Variants in HMCN2 observed in about 807,000 individuals in gnomAD.
HMCN2 encodes the protein hemicentin 2, also known as hemicentin-2.
HMCN2 carries 325 observed loss-of-function variants against 377.5 expected under a neutral mutation model. The ratio of observed to expected loss-of-function variants is 0.86; its 90% confidence interval spans 0.79 to 0.94. HMCN2 has a LOEUF of 0.94. Among genes scored for constraint, HMCN2 ranks in the 40% least tolerant of loss-of-function variants. The pLI, the probability that HMCN2 is intolerant of heterozygous loss-of-function variation, is 0.00. For missense variants in HMCN2, 4,543 were observed against 4,725.3 expected (o/e 0.96, Z 1.13); for synonymous variants, 2,007 against 2,046.8 (o/e 0.98, Z 0.53).
chr9:130,348,425 G>A, intron 26 of HMCN2, 120 bp from the exon 27 acceptor site: 1 of 1,221,256 alleles, frequency 8.2e-7, no homozygotes, highest in Non-Finnish European at 1.1e-6. Flanking sequence ...GGGCGGACGG[G>A]GACAGGCAGA....
intron 73 of HMCN2, among the ~76,000 whole-genome samples, chr9:130,397,303 C>G (rs553574217): frequency 6.6e-6 from 1 of 152,178 alleles, no homozygotes; most frequent in Non-Finnish European, 1.5e-5. Context: ...GAGATCAGCA[C>G]GGGAAAGACC....
intron 15 of HMCN2, among the ~76,000 whole-genome samples, chr9:130,313,606 C>CT (rs1239713273): frequency 4.0e-5 from 6 of 151,770 alleles, no homozygotes; most frequent in Non-Finnish European, 8.8e-5. Flanking sequence ...GGGCACCCCC[C>CT]CCCATAAACC....
rs2131836088 is a variant in HMCN2, at chr9:130,430,424, C to A, written c.14467C>A (p.Gln4823Lys). ...KACTSLERNG[Q>K]NVTTVSHRGP... Reference sequence around the variant, plus strand: ...CTGCACCTCACTGGAGCGGAATGGACAAAATGTGACCACCGTCAGCCACCG... The same window carrying A: ...CTGCACCTCACTGGAGCGGAATGGAAAAAATGTGACCACCGTCAGCCACCG... Residue 4823 changes from glutamine to lysine, a missense_variant, in exon 95 of 98, where the codon CAA becomes AAA. This residue lies in a region of HMCN2 where 1,155 missense variants were observed against 1,157.7 expected (regional missense o/e 1.00). Transcript: ENST00000683500. 6.4e-7 allele frequency: 1 copy of A among 1,550,504 alleles called. No individual in the cohort carries two copies. The highest frequency in any genetic ancestry group is 8.7e-7 in the Non-Finnish European group (1 of 1,146,970).
intron 22 of HMCN2, among the ~76,000 whole-genome samples, chr9:130,327,974 G>A (rs1160965358): frequency 6.6e-6 from 1 of 152,202 alleles, no homozygotes; most frequent in Non-Finnish European, 1.5e-5. Context: ...TGGCTTGGGT[G>A]TCCTTCAAAG....
intron 46 of HMCN2, 137 bp from the exon 47 acceptor site, chr9:130,372,157 G>A (rs1184990790): frequency 6.1e-6 from 1 of 163,600 alleles, no homozygotes; most frequent in African/African-American, 2.4e-5. Flanking sequence ...TTGTGGATCT[G>A]AGGAACAGGA....
At chr9:130,374,447 T>C (rs1489000264) in intron 48 of HMCN2, 55 bp from the exon 49 acceptor site, 13 of 919,372 alleles carry the variant, frequency 1.4e-5, no homozygotes, top group Non-Finnish European at 1.7e-5. Context: ...CTGTGACCCC[T>C]GGGCTGCCCT....
rs1259024433 is a variant in HMCN2 at position 130,410,574 on chromosome 9, G to A, written c.12883G>A (p.Asp4295Asn). The stretch of plus-strand genomic sequence containing the variant: ...CCTCTCCTGTGCCCACTTGCAGAGG[G>A]ACGATGCGGGACGGTACCAGTGCCT... Reference protein sequence around the residue: ...GSLTIRRTERDDAGRYQCLAE... With the variant: ...GSLTIRRTERNDAGRYQCLAE... Residue 4295 changes from aspartate (D) to asparagine (N), a missense_variant, in exon 85 of 98, where the codon GAC becomes AAC. By Grantham distance (23) the Asp-to-Asn change is conservative. Coordinates refer to ENST00000683500, the MANE Select transcript of HMCN2 (RefSeq NM_001291815.2). The A allele has an allele frequency of 1.9e-6, 3 of 1,550,418 alleles. No individual in the cohort carries two copies. The African/African-American group carries it at 4.1e-5, about 21-fold the overall frequency.
intron 92 of HMCN2, among the ~76,000 whole-genome samples, chr9:130,427,972 C>T (rs1844487851): frequency 6.6e-6 from 1 of 152,202 alleles, no homozygotes; most frequent in South Asian, 2.1e-4. Context: ...TGAGTTGTCC[C>T]CCTCAGCAAT....
At position 130,395,038 on chromosome 9, in the gene HMCN2, T is replaced by C. The variant is rs913667472; in HGVS notation, c.10704T>C (p.Ala3568=). The change falls in exon 70 of 98, where the codon GCT becomes GCC. Residue 3568 remains alanine (A), a synonymous_variant. Transcript: ENST00000683500. ...LRVENVQVRD[A]GLYTCLAESP... is the part of the protein sequence containing the mutation. ...CGCTCCATCCCCAGGTTAGGGATGC[T>C]GGGCTGTACACTTGTCTGGCTGAAA... The C allele has an allele frequency of 3.9e-6, 5 of 1,275,348 alleles. No homozygotes were observed. The Admixed American group carries it at 7.4e-5, about 19-fold the overall frequency. 79.0% of individuals were successfully genotyped at this position (1,275,348 alleles called of 1,614,324 possible).
At chr9:130,348,308 T>C (rs909498462) in intron 26 of HMCN2, among the ~76,000 whole-genome samples, 3 of 152,176 alleles carry the variant, frequency 2.0e-5, no homozygotes. Context: ...CTTGCAAAGC[T>C]GAGAGTCAGA....
At position 130,432,571 on chromosome 9, in the gene HMCN2, G is replaced by T; in HGVS notation, c.14894+16G>T. 6.5e-7 allele frequency: 1 copy of T among 1,548,272 alleles called. No individual in the cohort carries two copies. On this transcript the variant is annotated intron_variant, in intron 97 of 97. Transcript: ENST00000683500. ...CCAGCCCTGGGTAAGGGCTGAGTTG[G>T]CAGGGCCTCGTGCCCTCAGGAAAAG...
intron 76 of HMCN2, chr9:130,400,546 C>T: frequency 4.4e-6 from 1 of 229,132 alleles, no homozygotes; most frequent in Non-Finnish European, 8.7e-6. Flanking sequence ...GCCTGGGCAA[C>T]ATACTGAGAC....
At chr9:130,292,644 C>T (rs1554930447) in intron 4 of HMCN2, among the ~76,000 whole-genome samples, 1 of 152,188 alleles carries the variant, frequency 6.6e-6, no homozygotes, top group Non-Finnish European at 1.5e-5. Flanking sequence ...TTATATTATT[C>T]AATGTGTTTC....
intron 1 of HMCN2, 134 bp from the exon 2 acceptor site, chr9:130,284,469 C>T: frequency 2.5e-6 from 1 of 404,736 alleles, no homozygotes; most frequent in South Asian, 1.8e-5. Flanking sequence ...GAGCTGCTCC[C>T]TGATCTCTCC....
intron 53 of HMCN2, among the ~76,000 whole-genome samples, chr9:130,378,382 G>A (rs1841508755): frequency 9.5e-6 from 1 of 105,582 alleles, no homozygotes; most frequent in African/African-American, 3.8e-5. Context: ...GGTAGGCTGG[G>A]ATGGGGAGGC....
chr9:130,330,052 C>T (rs1838345402), intron 22 of HMCN2, among the ~76,000 whole-genome samples: 3 of 151,860 alleles, frequency 2.0e-5, no homozygotes, highest in African/African-American at 7.2e-5. Context: ...CCTCCCTTCC[C>T]CTCTCCCTTG....
At chr9:130,277,994 T>TCAC (rs1262712851) in intron 1 of HMCN2, among the ~76,000 whole-genome samples, 6 of 41,354 alleles carry the variant, frequency 1.5e-4, no homozygotes, top group South Asian at 8.4e-4. Flanking sequence ...ACCACGATCA[T>TCAC]CACCACCACC....
intron 45 of HMCN2, among the ~76,000 whole-genome samples, chr9:130,370,438 G>A (rs1160184388): frequency 6.6e-6 from 1 of 152,080 alleles, no homozygotes; most frequent in Non-Finnish European, 1.5e-5. Context: ...GGTGGGAGAG[G>A]TGGGCGGGGA....
intron 55 of HMCN2, 34 bp from the exon 56 acceptor site, chr9:130,382,645 G>A (rs1447057205): frequency 1.3e-6 from 1 of 775,034 alleles, no homozygotes; most frequent in Non-Finnish European, 1.6e-6. Flanking sequence ...AGGGACCTGT[G>A]CCAGCCCCTC....
Sources: gnomAD v4.1 joint callset for allele counts (sites outside exome capture counted in the v4.1 genomes callset) on GRCh38, gnomAD v4.1.1 for gene constraint, gnomAD v4.1.1 regional missense constraint, MANE v1.5 for transcripts, NCBI Gene and HGNC (gene_info 2026-07-23, HGNC 2026-07-21) for gene names.